The following CAMK4 variants were observed in gnomAD, a reference collection of about 807,000 sequenced individuals.
CAMK4 encodes the protein calcium/calmodulin dependent protein kinase IV.
A neutral mutation model predicts 44.9 loss-of-function variants in CAMK4; 22 were observed. The ratio of observed to expected loss-of-function variants is 0.49; its 90% CI spans 0.35 to 0.70. CAMK4 has a LOEUF of 0.70. Among genes scored for constraint, CAMK4 ranks in the 30% least tolerant of loss-of-function variants. The pLI is 0.01. For missense variants in CAMK4, 498 were observed against 586.8 expected, an observed-to-expected ratio of 0.85 and a Z score of 1.56; for synonymous variants, 218 against 215.4, an observed-to-expected ratio of 1.01 and a Z score of -0.11.
At chr5:111,423,236 G>A (rs538416035) in intron 5 of CAMK4, among the ~76,000 whole-genome samples, 26 of 152,160 alleles carry the variant, frequency 1.7e-4, no homozygotes, top group Non-Finnish European at 3.4e-4. Flanking sequence ...CTGCAGGAGA[G>A]CACTTTCCAT....
chr5:111,391,524 A>T (rs187477260), intron 4 of CAMK4, among the ~76,000 whole-genome samples: 1 of 141,552 alleles, frequency 7.1e-6, no homozygotes, highest in Non-Finnish European at 1.5e-5. Flanking sequence ...GAACACCCAT[A>T]AAAAAAAAAC....
At chr5:111,331,775 A>T (rs1749177498) in intron 1 of CAMK4, among the ~76,000 whole-genome samples, 1 of 151,734 alleles carries the variant, frequency 6.6e-6, no homozygotes, top group Non-Finnish European at 1.5e-5. Flanking sequence ...CCTACTCAAA[A>T]ACATACAGGC....
intron 7 of CAMK4, among the ~76,000 whole-genome samples, chr5:111,462,371 C>A (rs1425722545): frequency 6.6e-6 from 1 of 152,206 alleles, no homozygotes; most frequent in East Asian, 1.9e-4. Context: ...CATCCCCCAC[C>A]CAGCTGTAAG....
In CAMK4 at chr5:111,289,804, C is replaced by T. The variant is rs1751372889; in HGVS notation, c.162-54220C>T. Among the ~76,000 whole-genome samples the T allele has an allele frequency of 2.0e-5, 3 of 152,232 alleles. No homozygotes were observed. The South Asian group carries it at 6.2e-4, about 31-fold the overall frequency. On this transcript the variant is annotated intron_variant, in intron 1 of 10. Transcript: ENST00000282356. ...AAAAGATGCCCAATGAATCACCCCA[C>T]ATTCATACTTCTCCCCATCCCCATT...
At chr5:111,403,455 T>A (rs1046855743) in intron 5 of CAMK4, among the ~76,000 whole-genome samples, 8 of 152,178 alleles carry the variant, frequency 5.3e-5, no homozygotes, top group African/African-American at 1.9e-4. Context: ...TGAGCACTGA[T>A]CTTTGGAGGA....
At chr5:111,362,205 A>G (rs140770110) in intron 2 of CAMK4, among the ~76,000 whole-genome samples, 2 of 152,154 alleles carry the variant, frequency 1.3e-5, no homozygotes, top group Admixed American at 6.6e-5. Flanking sequence ...CAGTCCTCAT[A>G]TAGATTAAGG....
intron 7 of CAMK4, among the ~76,000 whole-genome samples, chr5:111,450,513 T>G (rs1580769944): frequency 6.7e-6 from 1 of 149,210 alleles, no homozygotes; most frequent in East Asian, 1.9e-4. Context: ...TGTGGCCAGA[T>G]GCGGTGGCTC....
chr5:111,405,863 G>C (rs529364444), intron 5 of CAMK4, among the ~76,000 whole-genome samples: 1 of 152,278 alleles, frequency 6.6e-6, no homozygotes, highest in South Asian at 2.1e-4. Context: ...TAGTTTTTGA[G>C]TATGTGAATG....
chr5:111,400,516 T>C (rs1323227718), intron 5 of CAMK4, among the ~76,000 whole-genome samples: 2 of 152,138 alleles, frequency 1.3e-5, no homozygotes, highest in Non-Finnish European at 2.9e-5. Context: ...ATAATGAAAG[T>C]ATAATTATAC....
In CAMK4 at chr5:111,344,070, A is replaced by T; in HGVS notation, c.208A>T (p.Lys70Ter). Residue 70 changes from lysine to a stop codon, truncating the protein, a stop_gained, in exon 2 of 11, where the codon AAG (lysine) becomes TAG (stop). Transcript: ENST00000282356. LOFTEE classifies it high-confidence loss of function. ...CAGATGCAAACAGAAGGGGACCCAG[A>T]AGCCTTATGCTCTCAAAGTGTTAAA... ...VYRCKQKGTQ[K>*]PYALKVLKKT... 1.2e-6 allele frequency: 2 copies of T among 1,607,372 alleles called. No homozygotes were observed. The highest frequency in any genetic ancestry group is 8.5e-7 in the Non-Finnish European group (1 of 1,174,662).
intron 5 of CAMK4, among the ~76,000 whole-genome samples, chr5:111,414,212 A>T (rs1219740185): frequency 6.6e-6 from 1 of 152,138 alleles, no homozygotes; most frequent in Non-Finnish European, 1.5e-5. Context: ...ACCCTTTGTT[A>T]CTCCCAAAGC....
intron 1 of CAMK4, among the ~76,000 whole-genome samples, chr5:111,327,294 T>C (rs1326363251): frequency 6.6e-6 from 1 of 151,034 alleles, no homozygotes; most frequent in African/African-American, 2.4e-5. Flanking sequence ...TTGCTGAGAA[T>C]GATGGTTTCC....
At chr5:111,325,355 A>G (rs1748838655) in intron 1 of CAMK4, among the ~76,000 whole-genome samples, 1 of 152,108 alleles carries the variant, frequency 6.6e-6, no homozygotes. Flanking sequence ...AGAATGATTT[A>G]TAATACTTTA....
intron 8 of CAMK4, among the ~76,000 whole-genome samples, chr5:111,473,615 C>A (rs1009861350): frequency 6.6e-6 from 1 of 152,102 alleles, no homozygotes; most frequent in African/African-American, 2.4e-5. Context: ...ATGTCTATAT[C>A]CACTATGTAA....
chr5:111,237,023 T>G (rs949059321), intron 1 of CAMK4, among the ~76,000 whole-genome samples: 1 of 152,234 alleles, frequency 6.6e-6, no homozygotes, highest in South Asian at 2.1e-4. Flanking sequence ...CACACCGAAA[T>G]TACTTGTTCA....
chr5:111,424,015 G>A (rs1354928501), intron 5 of CAMK4, among the ~76,000 whole-genome samples: 2 of 152,174 alleles, frequency 1.3e-5, no homozygotes, highest in Non-Finnish European at 2.9e-5. Flanking sequence ...GTCCATGGAC[G>A]AAGCAGGATT....
Position 111,238,808 on chromosome 5 carries a change from CTTTTTTTTTT to C in CAMK4, c.161+14183_161+14192del, listed in dbSNP as rs57552178. Reference sequence around the variant, plus strand: ...CTAAAGCTGACTCTCAGAGGCTCTTCTTTTTTTTTTTTTTTTTTTTTTTTTTTTAACAGGA... The same window carrying C: ...CTAAAGCTGACTCTCAGAGGCTCTTCTTTTTTTTTTTTTTTTTTAACAGGA... On this transcript the variant is annotated intron_variant, in intron 1 of 10. Transcript: ENST00000282356. Among the ~76,000 whole-genome samples, 184 of 45,938 alleles carry C rather than the reference CTTTTTTTTTT, an allele frequency of 4.0e-3. 1 individual carries two copies. Among genetic ancestry groups the C allele is most frequent in the African/African-American group, 0.015 (170 of 10,992 alleles). The allele number at this position is 45,938 out of a possible 152,430, so 30.1% of individuals were successfully genotyped here.
At chr5:111,341,473 C>T (rs572632648) in intron 1 of CAMK4, among the ~76,000 whole-genome samples, 11 of 150,446 alleles carry the variant, frequency 7.3e-5, no homozygotes, top group African/African-American at 2.7e-4. Flanking sequence ...TTTTTGTCAC[C>T]GAATTGCCTT....
At chr5:111,483,523 A>C (rs756376129) in intron 10 of CAMK4, among the ~76,000 whole-genome samples, 3 of 152,198 alleles carry the variant, frequency 2.0e-5, no homozygotes, top group Non-Finnish European at 2.9e-5. Flanking sequence ...GGTCCTATGC[A>C]GCCATTGCTT....
Sources: gnomAD v4.1 joint callset for allele counts (sites outside exome capture counted in the v4.1 genomes callset) on GRCh38, gnomAD v4.1.1 for gene constraint, MANE v1.5 for transcripts, NCBI Gene and HGNC (gene_info 2026-07-23, HGNC 2026-07-21) for gene names.